Variants in IGF1R observed in about 807,000 individuals in gnomAD.
The protein encoded by IGF1R is insulin-like growth factor 1 receptor.
IGF1R carries 44 observed loss-of-function variants against 144.6 expected under a neutral mutation model. The observed-to-expected ratio is 0.30, with a 90% CI of 0.24 to 0.39. IGF1R has a LOEUF of 0.39. Among genes scored for constraint, IGF1R ranks in the 10% least tolerant of loss-of-function variants. The pLI is 1.00. For missense variants in IGF1R, 1,355 were observed against 1,833.7 expected, an observed-to-expected ratio of 0.74 and a Z score of 4.77; for synonymous variants, 795 against 722.8, an observed-to-expected ratio of 1.10 and a Z score of -1.60.
intron 3 of IGF1R, 92 bp from the exon 4 acceptor site, chr15:98,896,665 T>C (rs45495398): frequency 1.7e-4 from 221 of 1,314,736 alleles, no homozygotes; most frequent in Non-Finnish European, 2.3e-4. Flanking sequence ...CATGCTGTAA[T>C]AACAATGAAA....
At position 98,908,625 on chromosome 15, in the gene IGF1R, C is replaced by T. The variant is rs1473197653; in HGVS notation, c.1248-60C>T. 4 of 1,299,168 alleles carry T rather than the reference C, an allele frequency of 3.1e-6. No homozygotes were observed. In the East Asian group the frequency reaches 7.1e-5, roughly 23 times the overall value. 80.5% of individuals were successfully genotyped at this position (1,299,168 alleles called of 1,614,324 possible). A position where few individuals can be genotyped will look rare whatever the true frequency, so the allele number is the denominator to read the frequency against. ...AAGAGGACCTGTGTTACGTGGCCAG[C>T]AGGCTAGAGGGGACTGTGGCCAAGG... On this transcript the variant is annotated intron_variant, in intron 5 of 20. Coordinates refer to ENST00000650285, the MANE Select transcript of IGF1R (RefSeq NM_000875.5).
intron 2 of IGF1R, among the ~76,000 whole-genome samples, chr15:98,789,058 G>T (rs1025867783): frequency 1.3e-5 from 2 of 152,134 alleles, no homozygotes; most frequent in Non-Finnish European, 2.9e-5. Flanking sequence ...GCACACGTAG[G>T]CTTATGGCTC....
intron 2 of IGF1R, among the ~76,000 whole-genome samples, chr15:98,773,083 A>G (rs573917589): frequency 1.3e-5 from 2 of 152,286 alleles, no homozygotes; most frequent in East Asian, 3.9e-4. Flanking sequence ...AAGTATAGAT[A>G]AGAGAATTAG....
intron 2 of IGF1R, among the ~76,000 whole-genome samples, chr15:98,854,007 C>A (rs1259985044): frequency 6.6e-6 from 1 of 152,328 alleles, no homozygotes; most frequent in East Asian, 1.9e-4. Flanking sequence ...GCGCCCTCTC[C>A]CACAAGGAAT....
intron 2 of IGF1R, among the ~76,000 whole-genome samples, chr15:98,868,778 G>A (rs984603102): frequency 2.6e-5 from 4 of 152,150 alleles, no homozygotes; most frequent in Admixed American, 6.5e-5. Context: ...TATGCCAAGC[G>A]CTTAGCACGG....
At chr15:98,955,204 C>A (rs9672965) in intron 20 of IGF1R, among the ~76,000 whole-genome samples, 3 of 152,042 alleles carry the variant, frequency 2.0e-5, no homozygotes, top group Admixed American at 2.0e-4. Context: ...TGGCACCTAG[C>A]GTGCACATGG....
intron 1 of IGF1R, among the ~76,000 whole-genome samples, chr15:98,687,386 T>G (rs1281389952): frequency 6.6e-6 from 1 of 152,210 alleles, no homozygotes. Context: ...GCATGTGTAC[T>G]CGGTGTCTTG....
intron 2 of IGF1R, among the ~76,000 whole-genome samples, chr15:98,859,526 C>T (rs1456377855): frequency 6.6e-6 from 1 of 152,166 alleles, no homozygotes; most frequent in Non-Finnish European, 1.5e-5. Flanking sequence ...AAGCTTTGCC[C>T]TCAAGAAGGG....
chr15:98,789,023 A>G (rs1041116576), intron 2 of IGF1R, among the ~76,000 whole-genome samples: 3 of 152,008 alleles, frequency 2.0e-5, no homozygotes, highest in East Asian at 3.8e-4. Flanking sequence ...GCGTGTGTGT[A>G]TTTAGACTGT....
At chr15:98,670,559 A>G (rs1177481580) in intron 1 of IGF1R, among the ~76,000 whole-genome samples, 1 of 152,110 alleles carries the variant, frequency 6.6e-6, no homozygotes, top group Admixed American at 6.6e-5. Flanking sequence ...AATACATGGG[A>G]GGCTACTGGT....
intron 1 of IGF1R, among the ~76,000 whole-genome samples, chr15:98,681,208 T>C (rs2053180894): frequency 6.6e-6 from 1 of 152,186 alleles, no homozygotes; most frequent in African/African-American, 2.4e-5. Flanking sequence ...ATTCTGTGTC[T>C]TTACAAGTCT....
At chr15:98,758,284 T>A (rs1279649966) in intron 2 of IGF1R, among the ~76,000 whole-genome samples, 1 of 152,078 alleles carries the variant, frequency 6.6e-6, no homozygotes, top group East Asian at 1.9e-4. Context: ...CCTCTTCCCG[T>A]CTAGTTCTCC....
chr15:98,910,191 G>A (rs1395514010), intron 6 of IGF1R, among the ~76,000 whole-genome samples: 6 of 152,066 alleles, frequency 3.9e-5, no homozygotes, highest in African/African-American at 4.8e-5. Flanking sequence ...GACCAGCGCC[G>A]CCTCCCGCCC....
intron 1 of IGF1R, among the ~76,000 whole-genome samples, chr15:98,666,585 A>G (rs2052744007): frequency 1.3e-5 from 2 of 152,228 alleles, no homozygotes; most frequent in Admixed American, 1.3e-4. Flanking sequence ...ATGTGCTACA[A>G]TGTCTGTGAA....
At chr15:98,715,731 T>C (rs1596225712) in intron 2 of IGF1R, among the ~76,000 whole-genome samples, 2 of 152,126 alleles carry the variant, frequency 1.3e-5, no homozygotes, top group African/African-American at 4.8e-5. Flanking sequence ...CCTTTGGGCA[T>C]ATGGTGTGAA....
intron 2 of IGF1R, among the ~76,000 whole-genome samples, chr15:98,819,979 T>C (rs1314701238): frequency 1.3e-5 from 2 of 152,164 alleles, no homozygotes; most frequent in African/African-American, 4.8e-5. Context: ...AGGTAAACAG[T>C]GTCTTAGTAG....
At chr15:98,786,645 CT>C (rs1293043486) in intron 2 of IGF1R, among the ~76,000 whole-genome samples, 3 of 152,158 alleles carry the variant, frequency 2.0e-5, no homozygotes, top group Non-Finnish European at 2.9e-5. Flanking sequence ...AAACCACTGT[CT>C]TTTTTTGTTG....
chr15:98,708,776 C>T (rs2053925941), intron 2 of IGF1R, among the ~76,000 whole-genome samples: 1 of 152,194 alleles, frequency 6.6e-6, no homozygotes, highest in Non-Finnish European at 1.5e-5. Flanking sequence ...CATTTTTAAA[C>T]CTCTGGGATT....
chr15:98,886,224 G>A (rs2013633049), intron 2 of IGF1R, among the ~76,000 whole-genome samples: 3 of 152,104 alleles, frequency 2.0e-5, no homozygotes, highest in African/African-American at 4.8e-5. Flanking sequence ...GAAATAATTT[G>A]ATACATTCGA....
Sources: allele counts gnomAD v4.1 joint callset (sites outside exome capture counted in the v4.1 genomes callset), GRCh38; gene constraint gnomAD v4.1.1; transcripts MANE v1.5; gene names NCBI Gene and HGNC (gene_info 2026-07-23, HGNC 2026-07-21).